ITGA11: variants seen among roughly 807,000 people sequenced by gnomAD.
ITGA11 encodes integrin alpha-11.
In ITGA11, 97 loss-of-function variants were observed where a neutral mutation model predicts 141.9. That is an observed-to-expected ratio of 0.68 (90% CI 0.58 to 0.81). The LOEUF (loss-of-function observed/expected upper bound fraction) is 0.81. ITGA11 is among the 30% of genes least tolerant of loss of function. The pLI, the probability that ITGA11 is intolerant of heterozygous loss-of-function variation, is 0.00. For synonymous variants in ITGA11, 658 were observed against 624.6 expected (o/e 1.05, Z -0.80); for missense variants, 1,387 against 1,559.2 (o/e 0.89, Z 1.86).
chr15:68,330,951 C>G (rs918898362), intron 15 of ITGA11, 30 bp downstream of exon 15: 1 of 1,613,190 alleles, frequency 6.2e-7, no homozygotes, highest in Non-Finnish European at 8.5e-7. Context: ...TCAGGAGAGC[C>G]CAGGAGGTGG....
chr15:68,431,937 C>T, intron 1 of ITGA11, 78 bp downstream of exon 1: 1 of 1,068,908 alleles, frequency 9.4e-7, no homozygotes, highest in Non-Finnish European at 1.2e-6. Context: ...GCGTCCCGAT[C>T]CTGGCCGCTG....
At chr15:68,319,682 T>C (rs1402621518) in intron 20 of ITGA11, among the ~76,000 whole-genome samples, 1 of 152,180 alleles carries the variant, frequency 6.6e-6, no homozygotes, top group African/African-American at 2.4e-5. Flanking sequence ...TGGTAGAACG[T>C]GTGGATGGCT....
chr15:68,384,249 T>C (rs1443273149), intron 2 of ITGA11, among the ~76,000 whole-genome samples: 1 of 128,696 alleles, frequency 7.8e-6, no homozygotes, highest in African/African-American at 2.9e-5. Flanking sequence ...GGGACTTTCT[T>C]GTGTGGTTTG....
rs1433251218 is a variant in ITGA11 at position 68,321,744 on chromosome 15, C to T, written c.2323-241G>A. Among the ~76,000 whole-genome samples the T allele has an allele frequency of 6.6e-6, 1 of 152,176 alleles. No individual in the cohort carries two copies. The highest frequency in any genetic ancestry group is 1.5e-5 in the Non-Finnish European group (1 of 68,030). Reference sequence around the variant, plus strand: ...ATAACTGAGCTGATGGCACAGAACCCCCACCCCCACTCACCCAGCAGAGCG... The same window carrying T: ...ATAACTGAGCTGATGGCACAGAACCTCCACCCCCACTCACCCAGCAGAGCG... On this transcript the variant is annotated intron_variant, in intron 18 of 29. Transcript: ENST00000315757. The surrounding 1 kb of genome is among the most constrained non-coding windows in gnomAD (Gnocchi z 4.9).
chr15:68,307,570 C>T lies in ITGA11; in HGVS notation c.3285+16G>A. On this transcript the variant is annotated intron_variant, in intron 27 of 29. Coordinates refer to ENST00000315757, the MANE Select transcript of ITGA11 (RefSeq NM_001004439.2). This position sits in a 1 kb window ranked among gnomAD's most constrained non-coding sequence, Gnocchi z 6.1. ...TTCCCTTCTTCCTTCCAGCCCAGCC[C>T]AGGGGCTCTACTTACTGCTTTTAGG... 1 of 1,591,016 alleles carries T rather than the reference C, an allele frequency of 6.3e-7. No individual in the cohort carries two copies. The highest frequency in any genetic ancestry group is 1.7e-5 in the Admixed American group (1 of 59,090).
chr15:68,413,132 G>C (rs74343479), intron 1 of ITGA11, among the ~76,000 whole-genome samples: 1 of 152,088 alleles, frequency 6.6e-6, no homozygotes, highest in Non-Finnish European at 1.5e-5. Flanking sequence ...AGGACTAGGG[G>C]GTAGGGAGGA....
chr15:68,309,511 T>G (rs1274737330), intron 26 of ITGA11, among the ~76,000 whole-genome samples: 2 of 152,186 alleles, frequency 1.3e-5, no homozygotes, highest in African/African-American at 4.8e-5. Context: ...CAAGACACTT[T>G]TGTAAGCAAT....
chr15:68,431,616 G>T (rs1897272486), intron 1 of ITGA11, among the ~76,000 whole-genome samples: 1 of 152,184 alleles, frequency 6.6e-6, no homozygotes, highest in Non-Finnish European at 1.5e-5. Flanking sequence ...CTCTCTTGGC[G>T]CTGATTCCCT....
chr15:68,431,979 C>A, intron 1 of ITGA11, 36 bp downstream of exon 1: 1 of 1,284,440 alleles, frequency 7.8e-7, no homozygotes, highest in African/African-American at 1.5e-5. Context: ...GGGAGGGACT[C>A]CGAGAGGCAA....
At chr15:68,327,485 GTCCTGC>G (rs1308155039) in intron 16 of ITGA11, among the ~76,000 whole-genome samples, 1 of 152,190 alleles carries the variant, frequency 6.6e-6, no homozygotes, top group Non-Finnish European at 1.5e-5. Context: ...TCTTTGTCTG[GTCCTGC>G]TCCTTGGCTG....
At chr15:68,401,911 G>A (rs1247929005) in intron 2 of ITGA11, among the ~76,000 whole-genome samples, 1 of 152,182 alleles carries the variant, frequency 6.6e-6, no homozygotes, top group Non-Finnish European at 1.5e-5. Context: ...GAATTAGCCA[G>A]ATGGTGGTGG....
intron 2 of ITGA11, among the ~76,000 whole-genome samples, chr15:68,394,693 T>A (rs1236135834): frequency 6.6e-6 from 1 of 151,330 alleles, no homozygotes; most frequent in Non-Finnish European, 1.5e-5. Context: ...ATAGCAAGAC[T>A]GATAAAAAAT....
intron 18 of ITGA11, among the ~76,000 whole-genome samples, chr15:68,323,494 T>C (rs1893874376): frequency 6.6e-6 from 1 of 152,184 alleles, no homozygotes; most frequent in South Asian, 2.1e-4. Flanking sequence ...TATTATGGTA[T>C]TAGAACAGCG....
chr15:68,324,854 G>T lies in ITGA11; in HGVS notation c.2322+277C>A, dbSNP rs1223693986. ...CAGTGGTTCTTTGTATTTCTCCGGT[G>T]CTCACCCTGTGCTCCCCTGTGCTGG... On this transcript the variant is annotated intron_variant, in intron 18 of 29. Coordinates refer to ENST00000315757, the MANE Select transcript of ITGA11 (RefSeq NM_001004439.2). The surrounding 1 kb of genome is among the most constrained non-coding windows in gnomAD (Gnocchi z 6.3). 1.3e-5 allele frequency among the ~76,000 whole-genome samples: 2 copies of T among 152,158 alleles called. No homozygotes were observed. Among genetic ancestry groups the T allele is most frequent in the African/African-American group, 4.8e-5 (2 of 41,430 alleles).
chr15:68,384,046 C>T (rs1189833002), intron 2 of ITGA11, among the ~76,000 whole-genome samples: 5 of 151,992 alleles, frequency 3.3e-5, no homozygotes, highest in Non-Finnish European at 5.9e-5. Context: ...CGAGATTGTG[C>T]GTCTTACCTC....
At chr15:68,425,663 T>C (rs750621420) in intron 1 of ITGA11, among the ~76,000 whole-genome samples, 4 of 152,322 alleles carry the variant, frequency 2.6e-5, no homozygotes, top group African/African-American at 4.8e-5. Flanking sequence ...AGAAGGAACA[T>C]TGGGAGTGCT....
chr15:68,312,119 C>T (rs1893407614), intron 24 of ITGA11, among the ~76,000 whole-genome samples: 3 of 152,218 alleles, frequency 2.0e-5, no homozygotes, highest in Admixed American at 2.0e-4. Context: ...TATCGGGGCC[C>T]ACTATAGCAG....
At chr15:68,366,385 G>C (rs1457289762) in intron 3 of ITGA11, among the ~76,000 whole-genome samples, 1 of 152,104 alleles carries the variant, frequency 6.6e-6, no homozygotes, top group African/African-American at 2.4e-5. Flanking sequence ...CTTTAGCCCA[G>C]ACCGTGTGAC....
chr15:68,390,157 A>T (rs1316724735), intron 2 of ITGA11, among the ~76,000 whole-genome samples: 1 of 152,146 alleles, frequency 6.6e-6, no homozygotes, highest in African/African-American at 2.4e-5. Flanking sequence ...ACTGTTCAGG[A>T]TGTCTGAAGC....
Sources: allele counts gnomAD v4.1 joint callset (sites outside exome capture counted in the v4.1 genomes callset), GRCh38; gene constraint gnomAD v4.1.1; non-coding constraint Gnocchi (gnomAD v3.1); transcripts MANE v1.5; gene names NCBI Gene and HGNC (gene_info 2026-07-23, HGNC 2026-07-21).